Variants in TTC7B observed in about 807,000 individuals in gnomAD.
The protein encoded by TTC7B is tetratricopeptide repeat protein 7B.
A neutral mutation model predicts 106.8 loss-of-function variants in TTC7B; 28 were observed. That is an observed-to-expected ratio of 0.26 (90% CI 0.19 to 0.36). TTC7B has a LOEUF of 0.36. TTC7B is among the 10% of genes least tolerant of loss of function. The probability of loss-of-function intolerance (pLI) is 1.00; values close to 1 mark genes in which losing one functional copy is unlikely to be tolerated. For synonymous variants in TTC7B, 405 were observed against 430.6 expected (o/e 0.94, Z 0.74); for missense variants, 862 against 1,076.4 (o/e 0.80, Z 2.79).
rs1286322 is a variant in TTC7B, at chr14:90,802,811, C to G, written c.121+13364G>C. ...ACAGGGCAGGGACACTGTCAAGCAG[C>G]GGGGTTAGAAGAGAAGGGCACACAC... On this transcript the variant is annotated intron_variant, in intron 1 of 19. Coordinates refer to ENST00000328459, the MANE Select transcript of TTC7B (RefSeq NM_001010854.2). This position sits in a 1 kb window ranked among gnomAD's most constrained non-coding sequence, Gnocchi z 4.7. Among the ~76,000 whole-genome samples, 1 of 151,824 alleles carries G rather than the reference C, an allele frequency of 6.6e-6. No homozygotes were observed. The highest frequency in any genetic ancestry group is 1.5e-5 in the Non-Finnish European group (1 of 67,932).
At chr14:90,555,336 G>C (rs1179156486) in intron 19 of TTC7B, among the ~76,000 whole-genome samples, 5 of 152,194 alleles carry the variant, frequency 3.3e-5, no homozygotes, top group African/African-American at 9.7e-5. Context: ...TCCTCTACCT[G>C]GCGGCTGCCA....
chr14:90,724,871 T>C (rs1017742764), intron 5 of TTC7B, among the ~76,000 whole-genome samples: 1 of 152,240 alleles, frequency 6.6e-6, no homozygotes, highest in Non-Finnish European at 1.5e-5. Context: ...CATGAATAAA[T>C]GGGCCTGGAA....
At chr14:90,637,189 A>G (rs952999712) in intron 15 of TTC7B, among the ~76,000 whole-genome samples, 1 of 152,130 alleles carries the variant, frequency 6.6e-6, no homozygotes, top group Non-Finnish European at 1.5e-5. Flanking sequence ...TTAGAATTGA[A>G]AAAAACTTAA....
chr14:90,622,023 T>C (rs1387525066), intron 15 of TTC7B, among the ~76,000 whole-genome samples: 1 of 152,002 alleles, frequency 6.6e-6, no homozygotes, highest in African/African-American at 2.4e-5. Flanking sequence ...TAACATTTAA[T>C]ACATTTCAAT....
Position 90,689,727 on chromosome 14 carries a change from G to A in TTC7B, c.778-15C>T, listed in dbSNP as rs202166644. ...CTGGCTATTGTCTGGGAACATAAACGAGGAAAAGCATAGCCATGAATCTAT... is the reference window on the plus strand; with the variant it reads ...CTGGCTATTGTCTGGGAACATAAACAAGGAAAAGCATAGCCATGAATCTAT... On this transcript the variant is annotated splice_polypyrimidine_tract_variant and intron_variant, in intron 6 of 19. Transcript: ENST00000328459. 9.2e-5 allele frequency: 148 copies of A among 1,612,626 alleles called. No homozygotes were observed. The highest frequency in any genetic ancestry group is 1.2e-4 in the Non-Finnish European group (146 of 1,179,370).
At chr14:90,720,589 G>C (rs1346511503) in intron 5 of TTC7B, among the ~76,000 whole-genome samples, 2 of 152,190 alleles carry the variant, frequency 1.3e-5, no homozygotes, top group Non-Finnish European at 2.9e-5. Flanking sequence ...CAGAGCATGA[G>C]CAAGAGCTGC....
chr14:90,607,187 A>C (rs1446099473), intron 17 of TTC7B, among the ~76,000 whole-genome samples: 3 of 152,212 alleles, frequency 2.0e-5, no homozygotes, highest in Non-Finnish European at 4.4e-5. Context: ...AAAAAAAATA[A>C]ATTTAGTTCT....
intron 3 of TTC7B, among the ~76,000 whole-genome samples, chr14:90,747,649 T>C (rs963666645): frequency 6.6e-6 from 1 of 152,206 alleles, no homozygotes; most frequent in Non-Finnish European, 1.5e-5. Context: ...AGTTGGTATA[T>C]TGTGTTGTCC....
intron 5 of TTC7B, among the ~76,000 whole-genome samples, chr14:90,707,647 C>T (rs1338769220): frequency 1.3e-5 from 2 of 152,138 alleles, no homozygotes; most frequent in Non-Finnish European, 2.9e-5. Context: ...AGCCTTATTG[C>T]TGATAGGGAA....
At chr14:90,731,344 C>T (rs982201455) in intron 4 of TTC7B, among the ~76,000 whole-genome samples, 9 of 152,292 alleles carry the variant, frequency 5.9e-5, no homozygotes, top group South Asian at 2.1e-4. Context: ...CCAAACATGC[C>T]GTCCACATTT....
chr14:90,801,443 T>C (rs1242588594), intron 1 of TTC7B, among the ~76,000 whole-genome samples: 1 of 152,050 alleles, frequency 6.6e-6, no homozygotes. Flanking sequence ...GATAATTTGT[T>C]ACAGCAGCCA....
intron 17 of TTC7B, 98 bp from the exon 18 acceptor site, chr14:90,593,724 C>T: frequency 2.5e-6 from 3 of 1,212,382 alleles, no homozygotes; most frequent in Non-Finnish European, 3.3e-6. Flanking sequence ...ACACACACCC[C>T]TTCCCCCATG....
chr14:90,660,451 A>G (rs1641874994), intron 9 of TTC7B, among the ~76,000 whole-genome samples: 2 of 151,646 alleles, frequency 1.3e-5, no homozygotes, highest in African/African-American at 4.8e-5. Flanking sequence ...AAGAAAAACA[A>G]TGCAAAAAAT....
rs1300456140 is a variant in TTC7B at position 90,529,502 on chromosome 14, T to C, written c.*11866A>G. The stretch of plus-strand genomic sequence containing the variant: ...TATCCGAATTCTACCCTAAGATAGA[T>C]AATCAGAGATGCTAGGAGAAAACAT... On this transcript the variant is annotated 3_prime_UTR_variant, in exon 20 of 20. Coordinates refer to ENST00000328459, the MANE Select transcript of TTC7B (RefSeq NM_001010854.2). 6.6e-6 allele frequency: 1 copy of C among 152,236 alleles called. No homozygotes were observed. Among genetic ancestry groups the C allele is most frequent in the African/African-American group, 2.4e-5 (1 of 41,440 alleles). The allele number at this position is 152,236 out of a possible 1,614,324, so 9.4% of individuals were successfully genotyped here. A position where few individuals can be genotyped will look rare whatever the true frequency, so the allele number is the denominator to read the frequency against.
At chr14:90,723,855 A>G (rs1367882322) in intron 5 of TTC7B, among the ~76,000 whole-genome samples, 1 of 152,136 alleles carries the variant, frequency 6.6e-6, no homozygotes, top group Non-Finnish European at 1.5e-5. Context: ...ATTGGCCAAC[A>G]TATACTAGTA....
chr14:90,762,662 C>G (rs1006807116), intron 3 of TTC7B, among the ~76,000 whole-genome samples: 1 of 152,172 alleles, frequency 6.6e-6, no homozygotes, highest in Non-Finnish European at 1.5e-5. Flanking sequence ...CGGGTTTGCT[C>G]TATAATATGA....
intron 3 of TTC7B, 126 bp from the exon 4 acceptor site, chr14:90,745,048 C>CT (rs1889909976): frequency 1.6e-5 from 15 of 914,256 alleles, no homozygotes; most frequent in Non-Finnish European, 2.5e-5. Context: ...AGACAGTTTA[C>CT]TTCCTCCTTT....
At chr14:90,594,833 T>C (rs538073344) in intron 17 of TTC7B, among the ~76,000 whole-genome samples, 2 of 152,320 alleles carry the variant, frequency 1.3e-5, no homozygotes, top group East Asian at 3.9e-4. Context: ...TTCACGGCAA[T>C]AGATGCGCCA....
intron 5 of TTC7B, among the ~76,000 whole-genome samples, chr14:90,725,828 G>C (rs1437587008): frequency 6.6e-6 from 1 of 152,214 alleles, no homozygotes; most frequent in Non-Finnish European, 1.5e-5. Context: ...ACTACAATCC[G>C]TTTTGCCTAC....
Sources: gnomAD v4.1 joint callset for allele counts (sites outside exome capture counted in the v4.1 genomes callset) on GRCh38, gnomAD v4.1.1 for gene constraint, Gnocchi (gnomAD v3.1) non-coding constraint, MANE v1.5 for transcripts, NCBI Gene and HGNC (gene_info 2026-07-23, HGNC 2026-07-21) for gene names.